DDX46: variants seen among roughly 807,000 people sequenced by gnomAD.
The protein encoded by DDX46 is probable ATP-dependent RNA helicase DDX46.
DDX46 carries 30 observed loss-of-function variants against 134.9 expected under a neutral mutation model. The ratio of observed to expected loss-of-function variants is 0.22; its 90% CI spans 0.17 to 0.30. DDX46 has a LOEUF of 0.30. Among genes scored for constraint, DDX46 ranks in the 10% least tolerant of loss-of-function variants. The pLI is 1.00. For synonymous variants in DDX46, 415 were observed against 404.1 expected, an observed-to-expected ratio of 1.03 and a Z score of -0.32; for missense variants, 622 against 1,248.7, an observed-to-expected ratio of 0.50 and a Z score of 7.56.
intron 16 of DDX46, among the ~76,000 whole-genome samples, chr5:134,810,425 C>T (rs772819965): frequency 6.6e-6 from 1 of 151,794 alleles, no homozygotes; most frequent in East Asian, 2.0e-4. Context: ...CTGCAACCTC[C>T]GTCTCCCAGG....
intron 19 of DDX46, chr5:134,816,979 G>A (rs1755302927): frequency 5.4e-6 from 1 of 184,974 alleles, no homozygotes; most frequent in Non-Finnish European, 1.1e-5. Flanking sequence ...AAATCAATAT[G>A]GTCTTAAACA....
At chr5:134,821,178 C>G (rs1755437287) in intron 21 of DDX46, among the ~76,000 whole-genome samples, 1 of 151,880 alleles carries the variant, frequency 6.6e-6, no homozygotes, top group Non-Finnish European at 1.5e-5. Flanking sequence ...GCTGGGACTA[C>G]AGGCGCCCAC....
intron 11 of DDX46, among the ~76,000 whole-genome samples, chr5:134,786,718 G>A (rs1359554271): frequency 2.6e-5 from 4 of 152,150 alleles, no homozygotes; most frequent in Middle Eastern, 3.2e-3. Context: ...GGTGGCGCCT[G>A]CCTGTAATAT....
At chr5:134,826,720 A>G (rs553003749) in intron 21 of DDX46, 10 of 430,546 alleles carry the variant, frequency 2.3e-5, no homozygotes, top group Non-Finnish European at 4.1e-5. Context: ...CTCTTAACAC[A>G]TAATATGACC....
At chr5:134,776,945 G>T (rs970711201) in intron 5 of DDX46, among the ~76,000 whole-genome samples, 2 of 150,320 alleles carry the variant, frequency 1.3e-5, no homozygotes, top group African/African-American at 4.9e-5. Flanking sequence ...AGGCGTGGTG[G>T]CTCACGCCTG....
chr5:134,780,425 C>G (rs1021333841), intron 6 of DDX46, among the ~76,000 whole-genome samples: 11 of 149,882 alleles, frequency 7.3e-5, no homozygotes, highest in Admixed American at 6.0e-4. Context: ...ATTAGCCGGA[C>G]TAGTGGCGGG....
intron 4 of DDX46, among the ~76,000 whole-genome samples, chr5:134,772,604 A>G (rs528904471): frequency 5.9e-5 from 9 of 152,294 alleles, no homozygotes; most frequent in East Asian, 5.8e-4. Flanking sequence ...TGGGAGTTCA[A>G]GCAGTTCCCC....
chr5:134,759,545 T>A (rs550611201), intron 1 of DDX46, among the ~76,000 whole-genome samples: 13 of 152,344 alleles, frequency 8.5e-5, no homozygotes, highest in African/African-American at 2.9e-4. Flanking sequence ...AGTTGTGGAC[T>A]ATGAGCTCTT....
At chr5:134,790,040 AAAATAGTTAGC>A in intron 12 of DDX46, 1 of 456,084 alleles carries the variant, frequency 2.2e-6, no homozygotes, top group Non-Finnish European at 4.4e-6. Flanking sequence ...TTCTGTGTCT[AAAATAGTTAGC>A]ACTAGAACTT....
intron 21 of DDX46, among the ~76,000 whole-genome samples, chr5:134,822,294 A>G (rs1755477584): frequency 1.3e-5 from 2 of 152,098 alleles, no homozygotes; most frequent in Non-Finnish European, 2.9e-5. Context: ...GCTCCTATAC[A>G]GTCCCATCTA....
In DDX46 at chr5:134,811,346, T is replaced by A; in HGVS notation, c.2274T>A (p.Asp758Glu). Residue 758 changes from aspartate to glutamate, a missense_variant, in exon 17 of 23, where the codon GAT becomes GAA. Asp to Glu is a conservative substitution (Grantham distance 45, BLOSUM62 2). This residue lies in a region of DDX46 where 209 missense variants were observed against 508.4 expected (regional missense o/e 0.41). Transcript: ENST00000452510. Reference protein sequence around the residue: ...DLEKLWSDFKDQQKAEGKIIK... With the variant: ...DLEKLWSDFKEQQKAEGKIIK... ...AGAAACTGTGGAGTGATTTCAAAGA[T>A]CAGCAGAAAGCTGTGAGTTTTTAAC... 6.2e-7 allele frequency: 1 copy of A among 1,614,006 alleles called. No homozygotes were observed. The highest frequency in any genetic ancestry group is 8.5e-7 in the Non-Finnish European group (1 of 1,179,948).
chr5:134,782,505 T>C (rs1406400004), intron 8 of DDX46, among the ~76,000 whole-genome samples: 1 of 151,606 alleles, frequency 6.6e-6, no homozygotes, highest in Non-Finnish European at 1.5e-5. Flanking sequence ...AAAAAAATTG[T>C]TGGTTTTGTT....
intron 18 of DDX46, among the ~76,000 whole-genome samples, chr5:134,816,208 A>G (rs753287484): frequency 6.6e-6 from 1 of 151,984 alleles, no homozygotes; most frequent in African/African-American, 2.4e-5. Flanking sequence ...TCTGTTTTCT[A>G]TTTTTCTCCC....
intron 4 of DDX46, among the ~76,000 whole-genome samples, chr5:134,772,743 C>A (rs1204712139): frequency 1.3e-5 from 2 of 152,080 alleles, no homozygotes; most frequent in Non-Finnish European, 2.9e-5. Flanking sequence ...TGACCTCAGG[C>A]AATCTGCCTG....
rs1754921444 is a variant in DDX46 at position 134,804,367 on chromosome 5, T to C, written c.1955-3381T>C. 3.3e-5 allele frequency among the ~76,000 whole-genome samples: 5 copies of C among 152,230 alleles called. No individual in the cohort carries two copies. In the South Asian group the frequency reaches 1.0e-3, roughly 32 times the overall value. ...ATTGTGACAGATTAAATACAGAAGA[T>C]ATGACACTCCAATTATCTTCCATTA... On this transcript the variant is annotated intron_variant, in intron 15 of 22. Transcript: ENST00000452510.
At chr5:134,819,104 G>C (rs1241088016) in intron 21 of DDX46, 100 bp downstream of exon 21, 1 of 1,297,606 alleles carries the variant, frequency 7.7e-7, no homozygotes, top group East Asian at 2.7e-5. Flanking sequence ...AGAGAGAACT[G>C]AAAGTAAGAA....
chr5:134,785,552 T>C lies in DDX46; in HGVS notation c.1430T>C (p.Val477Ala). 1.2e-6 allele frequency: 2 copies of C among 1,613,592 alleles called. No homozygotes were observed. Among genetic ancestry groups the C allele is most frequent in the East Asian group, 2.2e-5 (1 of 44,824 alleles). The change falls in exon 11 of 23, where the codon GTC (valine) becomes GCC (alanine). Residue 477 changes from valine to alanine, a missense_variant. Val to Ala is a moderately conservative substitution (Grantham distance 64). Around this residue, in one of 8 missense-constraint regions of DDX46, gnomAD observed 209 missense variants for 508.4 expected, o/e 0.41. Transcript: ENST00000452510. ...TCCAAGACTTTGGGACTTAGAGTGG[T>C]CTGTGTTTACGGAGGAACAGGAATC... ...KFSKTLGLRV[V>A]CVYGGTGISE... is the part of the protein sequence containing the mutation.
At chr5:134,767,204 A>G in intron 3 of DDX46, 144 bp downstream of exon 3, 1 of 998,434 alleles carries the variant, frequency 1.0e-6, no homozygotes, top group South Asian at 2.2e-5. Flanking sequence ...GCAGTGTTTT[A>G]TTTTAATTGG....
At chr5:134,764,181 G>C (rs1466391500) in intron 2 of DDX46, 89 bp downstream of exon 2, 1 of 1,340,602 alleles carries the variant, frequency 7.5e-7, no homozygotes, top group Admixed American at 2.7e-5. Context: ...TTTTCAACTG[G>C]AGTTTGGTGG....
Sources: allele counts gnomAD v4.1 joint callset (sites outside exome capture counted in the v4.1 genomes callset), GRCh38; gene constraint gnomAD v4.1.1; regional missense constraint gnomAD v4.1.1; transcripts MANE v1.5; gene names NCBI Gene and HGNC (gene_info 2026-07-23, HGNC 2026-07-21).